Variants in ABHD5 observed in about 807,000 individuals in gnomAD.
ABHD5 encodes abhydrolase domain containing 5, lysophosphatidic acid acyltransferase, also known as 1-acylglycerol-3-phosphate O-acyltransferase ABHD5.
ABHD5 carries 30 observed loss-of-function variants against 44.9 expected under a neutral mutation model. The observed-to-expected ratio is 0.67, with a 90% CI of 0.50 to 0.91. The LOEUF (loss-of-function observed/expected upper bound fraction) is 0.91. ABHD5 is among the 40% of genes least tolerant of loss of function. The pLI, the probability that ABHD5 is intolerant of heterozygous loss-of-function variation, is 0.00. For missense variants in ABHD5, 399 were observed against 423.4 expected (o/e 0.94, Z 0.50); for synonymous variants, 167 against 147.0 (o/e 1.14, Z -0.99).
chr3:43,729,568 T>G (rs2084900198), intron 7 of ABHD5, among the ~76,000 whole-genome samples: 1 of 152,218 alleles, frequency 6.6e-6, no homozygotes, highest in Non-Finnish European at 1.5e-5. Flanking sequence ...GTTCTTTGTA[T>G]TTCTTTCTTC....
intron 2 of ABHD5, among the ~76,000 whole-genome samples, chr3:43,700,501 C>T (rs971567957): frequency 1.8e-4 from 28 of 152,018 alleles, no homozygotes; most frequent in Non-Finnish European, 1.8e-4. Context: ...TTTGTTTGTG[C>T]ATTTGAATGA....
chr3:43,714,356 A>G (rs1407642244), intron 4 of ABHD5, among the ~76,000 whole-genome samples: 1 of 151,924 alleles, frequency 6.6e-6, no homozygotes, highest in African/African-American at 2.4e-5. Context: ...GCTGGTCTCG[A>G]ACTCCTGACC....
intron 7 of ABHD5, among the ~76,000 whole-genome samples, chr3:43,730,901 T>C (rs1024974180): frequency 6.6e-6 from 1 of 152,092 alleles, no homozygotes; most frequent in African/African-American, 2.4e-5. Context: ...CAATCTTGGG[T>C]CACTGCAACC....
chr3:43,709,629 G>C (rs973353511), intron 3 of ABHD5, among the ~76,000 whole-genome samples: 2 of 152,206 alleles, frequency 1.3e-5, no homozygotes, highest in Non-Finnish European at 2.9e-5. Flanking sequence ...GTGAATAATA[G>C]TGGCTGTTTC....
rs2084844948 is a variant in ABHD5 at position 43,722,236 on chromosome 3, A to G, written c.*3704A>G. 6.6e-6 allele frequency: 1 copy of G among 152,234 alleles called. No individual in the cohort carries two copies. The highest frequency in any genetic ancestry group is 1.5e-5 in the Non-Finnish European group (1 of 68,042). The allele number at this position is 152,234 out of a possible 1,614,324, so 9.4% of individuals were successfully genotyped here. A position where few individuals can be genotyped will look rare whatever the true frequency, so the allele number is the denominator to read the frequency against. Reference sequence around the variant, plus strand: ...AACTAGGGTATATCTATACAATGGGATACTACACAGCTGTAGAAAGGACTG... The same window carrying G: ...AACTAGGGTATATCTATACAATGGGGTACTACACAGCTGTAGAAAGGACTG... On this transcript the variant is annotated 3_prime_UTR_variant, in exon 7 of 7. Coordinates refer to ENST00000644371, the MANE Select transcript of ABHD5 (RefSeq NM_016006.6).
At chr3:43,691,333 C>T (rs902570349) in intron 1 of ABHD5, 1 of 279,744 alleles carries the variant, frequency 3.6e-6, no homozygotes, top group Non-Finnish European at 6.7e-6. Context: ...TTGTATAAGC[C>T]ACCCCGCGGG....
At chr3:43,699,543 C>A in intron 2 of ABHD5, 182 bp downstream of exon 2, 1 of 638,408 alleles carries the variant, frequency 1.6e-6, no homozygotes, top group South Asian at 1.9e-5. Context: ...GGTAGGAGTT[C>A]TAAAACTTTT....
chr3:43,714,822 A>G, intron 4 of ABHD5, 125 bp from the exon 5 acceptor site: 1 of 637,346 alleles, frequency 1.6e-6, no homozygotes, highest in East Asian at 3.2e-5. Context: ...ATATATTTGA[A>G]TACATATATA....
At chr3:43,729,899 CT>C (rs1382307376) in intron 7 of ABHD5, among the ~76,000 whole-genome samples, 13 of 152,136 alleles carry the variant, frequency 8.5e-5, no homozygotes, top group Admixed American at 4.6e-4. Flanking sequence ...TCTATGGTTC[CT>C]TTGTGTGCTC....
chr3:43,725,609 A>T (rs1189089061), downstream of ABHD5, among the ~76,000 whole-genome samples: 1 of 152,178 alleles, frequency 6.6e-6, no homozygotes, highest in African/African-American at 2.4e-5. Context: ...CCTACTTTTT[A>T]AAAAATTAAA....
intron 7 of ABHD5, among the ~76,000 whole-genome samples, chr3:43,730,905 T>G (rs1294809538): frequency 6.6e-6 from 1 of 152,124 alleles, no homozygotes; most frequent in Non-Finnish European, 1.5e-5. Flanking sequence ...CTTGGGTCAC[T>G]GCAACCTCTG....
intron 3 of ABHD5, among the ~76,000 whole-genome samples, chr3:43,708,039 A>G (rs1435550081): frequency 6.6e-6 from 1 of 152,210 alleles, no homozygotes; most frequent in Non-Finnish European, 1.5e-5. Context: ...ATCAGGTCCT[A>G]GTGTGTTGGT....
rs1425609567 is a variant in ABHD5, at chr3:43,721,816, T to A, written c.*3284T>A. 6.6e-6 allele frequency: 1 copy of A among 152,202 alleles called. No homozygotes were observed. The highest frequency in any genetic ancestry group is 2.4e-5 in the African/African-American group (1 of 41,454). The allele number at this position is 152,202 out of a possible 1,614,324, so 9.4% of individuals were successfully genotyped here. A position where few individuals can be genotyped will look rare whatever the true frequency, so the allele number is the denominator to read the frequency against. ...AGAACCCGAAGAATAGGCAAAAGGATGTGAACAGACAGTTAACAGAAAATA... is the reference window on the plus strand; with the variant it reads ...AGAACCCGAAGAATAGGCAAAAGGAAGTGAACAGACAGTTAACAGAAAATA... On this transcript the variant is annotated 3_prime_UTR_variant, in exon 7 of 7. Transcript: ENST00000644371.
At chr3:43,709,821 G>C (rs1420815657) in intron 3 of ABHD5, among the ~76,000 whole-genome samples, 1 of 152,146 alleles carries the variant, frequency 6.6e-6, no homozygotes, top group East Asian at 1.9e-4. Context: ...AAGGTGGGCA[G>C]ATCACGAGGT....
chr3:43,699,402 A>G, intron 2 of ABHD5, 41 bp downstream of exon 2: 1 of 1,532,574 alleles, frequency 6.5e-7, no homozygotes. Flanking sequence ...CTGTGTACTA[A>G]GATAGGTCCA....
chr3:43,728,114 A>G (rs939377310), intron 7 of ABHD5, among the ~76,000 whole-genome samples: 2 of 152,088 alleles, frequency 1.3e-5, no homozygotes, highest in African/African-American at 4.8e-5. Flanking sequence ...TTGTTGGCCC[A>G]TTGTTCCTGA....
intron 7 of ABHD5, among the ~76,000 whole-genome samples, chr3:43,727,986 A>C (rs1377145746): frequency 6.6e-6 from 1 of 152,178 alleles, no homozygotes; most frequent in Admixed American, 6.5e-5. Flanking sequence ...TCTTGTCTGG[A>C]AACCACCATT....
intron 1 of ABHD5, chr3:43,691,645 G>C (rs572300258): frequency 6.6e-6 from 1 of 152,474 alleles, no homozygotes; most frequent in East Asian, 1.9e-4. Context: ...GGGGTGCCGG[G>C]AAGGAGGGAG....
chr3:43,718,748 A>G lies in ABHD5; in HGVS notation c.*216A>G, dbSNP rs1378690344. 9.1e-6 allele frequency: 5 copies of G among 550,940 alleles called. No individual in the cohort carries two copies. Among genetic ancestry groups the G allele is most frequent in the African/African-American group, 7.6e-5 (4 of 52,866 alleles). The allele number at this position is 550,940 out of a possible 1,614,324, so 34.1% of individuals were successfully genotyped here. ...CCTTTCTCCTACACAAAATTGAAATATACAAGTCTCTAAATATAATACCTT... is the reference window on the plus strand; with the variant it reads ...CCTTTCTCCTACACAAAATTGAAATGTACAAGTCTCTAAATATAATACCTT... On this transcript the variant is annotated 3_prime_UTR_variant, in exon 7 of 7. Transcript: ENST00000644371.
Sources: gnomAD v4.1 joint callset for allele counts (sites outside exome capture counted in the v4.1 genomes callset) on GRCh38, gnomAD v4.1.1 for gene constraint, MANE v1.5 for transcripts, NCBI Gene and HGNC (gene_info 2026-07-23, HGNC 2026-07-21) for gene names.